DCDC1: variants seen among roughly 807,000 people sequenced by gnomAD.
DCDC1 encodes the protein doublecortin domain containing 1.
In DCDC1, 200 loss-of-function variants were observed where a neutral mutation model predicts 178.3. The ratio of observed to expected loss-of-function variants is 1.12; its 90% confidence interval spans 1.00 to 1.26. The LOEUF (loss-of-function observed/expected upper bound fraction) is 1.26. Ranked by LOEUF, DCDC1 falls within the 50% of genes most tolerant of loss-of-function variation. DCDC1 has a pLI of 0.00. For missense variants in DCDC1, 1,983 were observed against 1,749.2 expected, an observed-to-expected ratio of 1.13 and a Z score of -2.38; for synonymous variants, 690 against 604.8, an observed-to-expected ratio of 1.14 and a Z score of -2.07.
intron 7 of DCDC1, 101 bp from the exon 8 acceptor site, chr11:31,265,701 G>A (rs1281900615): frequency 2.3e-6 from 1 of 433,496 alleles, no homozygotes; most frequent in Non-Finnish European, 3.8e-6. Flanking sequence ...AAATTATATT[G>A]TAAAATAAAA....
chr11:31,193,149 G>C (rs1970310661), intron 9 of DCDC1, among the ~76,000 whole-genome samples: 1 of 151,878 alleles, frequency 6.6e-6, no homozygotes, highest in South Asian at 2.1e-4. Flanking sequence ...TGGCTTTCCT[G>C]GTTCTCTAGT....
At chr11:31,227,238 A>G (rs931877880) in intron 9 of DCDC1, among the ~76,000 whole-genome samples, 1 of 152,186 alleles carries the variant, frequency 6.6e-6, no homozygotes, top group African/African-American at 2.4e-5. Flanking sequence ...CTGTACAAGC[A>G]TGGCTCCAGC....
intron 9 of DCDC1, among the ~76,000 whole-genome samples, chr11:31,212,007 C>T (rs899312807): frequency 1.3e-5 from 2 of 149,978 alleles, no homozygotes; most frequent in East Asian, 2.0e-4. Context: ...GGCATGAATC[C>T]AGGAGGCGGA....
At chr11:30,965,864 T>C (rs1241905727) in intron 20 of DCDC1, among the ~76,000 whole-genome samples, 1 of 123,506 alleles carries the variant, frequency 8.1e-6, no homozygotes, top group Non-Finnish European at 1.7e-5. Flanking sequence ...TGGTTTTTTG[T>C]TCTTGCGATA....
At chr11:30,871,749 G>A (rs950433162) in intron 38 of DCDC1, among the ~76,000 whole-genome samples, 11 of 151,722 alleles carry the variant, frequency 7.3e-5, no homozygotes, top group Non-Finnish European at 1.5e-4. Context: ...CCAATATCTG[G>A]GTCCTAGTTA....
intron 20 of DCDC1, among the ~76,000 whole-genome samples, chr11:31,031,695 A>C (rs1953661840): frequency 6.6e-6 from 1 of 152,136 alleles, no homozygotes; most frequent in Non-Finnish European, 1.5e-5. Flanking sequence ...AAAGCCAGCA[A>C]TATTGTGAAA....
intron 20 of DCDC1, among the ~76,000 whole-genome samples, chr11:30,962,687 T>C (rs978580738): frequency 1.3e-5 from 2 of 152,084 alleles, no homozygotes; most frequent in African/African-American, 2.4e-5. Context: ...GATATACAAA[T>C]GGATACAAAG....
At chr11:31,011,468 T>A (rs1201673670) in intron 20 of DCDC1, among the ~76,000 whole-genome samples, 1 of 152,112 alleles carries the variant, frequency 6.6e-6, no homozygotes. Flanking sequence ...GATATGCAAT[T>A]CACCAAAAAG....
chr11:31,316,136 G>A (rs1242320722), intron 3 of DCDC1, among the ~76,000 whole-genome samples: 1 of 85,790 alleles, frequency 1.2e-5, no homozygotes. Context: ...TGTCTTTATA[G>A]CAGCATGATT....
intron 11 of DCDC1, among the ~76,000 whole-genome samples, chr11:31,118,812 G>A (rs1960361519): frequency 6.6e-6 from 1 of 152,202 alleles, no homozygotes. Flanking sequence ...GGCCTGCACA[G>A]GGAAAGCCTG....
At chr11:31,327,029 T>C (rs528822232) in intron 3 of DCDC1, among the ~76,000 whole-genome samples, 3 of 152,262 alleles carry the variant, frequency 2.0e-5, no homozygotes, top group East Asian at 3.9e-4. Context: ...CCCATTTGAG[T>C]TCATACCATA....
chr11:31,196,967 C>A (rs1412095304), intron 9 of DCDC1, among the ~76,000 whole-genome samples: 2 of 152,104 alleles, frequency 1.3e-5, no homozygotes, highest in Non-Finnish European at 2.9e-5. Context: ...TTAGAAACTC[C>A]TGCTTCAGGA....
At chr11:31,208,355 C>A (rs1471714561) in intron 9 of DCDC1, among the ~76,000 whole-genome samples, 10 of 152,132 alleles carry the variant, frequency 6.6e-5, no homozygotes, top group Admixed American at 6.5e-4. Flanking sequence ...ACACAATATC[C>A]AATCCAATGG....
chr11:30,977,414 C>T (rs1950162320), intron 20 of DCDC1, among the ~76,000 whole-genome samples: 1 of 152,140 alleles, frequency 6.6e-6, no homozygotes, highest in South Asian at 2.1e-4. Flanking sequence ...CACATTCATG[C>T]TTGTAATAAA....
chr11:31,036,242 G>A (rs1354812957), intron 20 of DCDC1, among the ~76,000 whole-genome samples: 4 of 152,154 alleles, frequency 2.6e-5, no homozygotes, highest in Non-Finnish European at 4.4e-5. Context: ...TCAACTGAAA[G>A]CTTATTTATT....
chr11:31,315,306 C>CTTTTTTTTTTTTTT (rs72156406), intron 3 of DCDC1, among the ~76,000 whole-genome samples: 1 of 62,140 alleles, frequency 1.6e-5, no homozygotes, highest in Non-Finnish European at 2.8e-5. Flanking sequence ...TTTGCATACC[C>CTTTTTTTTTTTTTT]TTTTTTTTTT....
At chr11:30,910,519 G>A (rs777847859) in intron 28 of DCDC1, among the ~76,000 whole-genome samples, 8 of 152,126 alleles carry the variant, frequency 5.3e-5, no homozygotes, top group Non-Finnish European at 8.8e-5. Flanking sequence ...TTGCTTCATT[G>A]CTATTAAAAT....
intron 2 of DCDC1, among the ~76,000 whole-genome samples, chr11:31,329,758 C>G (rs888016950): frequency 4.6e-5 from 7 of 152,178 alleles, no homozygotes; most frequent in African/African-American, 1.7e-4. Context: ...CATAGTATTC[C>G]ATGGTGTACA....
chr11:31,113,540 T>A (rs963984648), intron 11 of DCDC1, among the ~76,000 whole-genome samples: 1 of 150,334 alleles, frequency 6.7e-6, no homozygotes, highest in Admixed American at 6.7e-5. Flanking sequence ...ACACGTGGTG[T>A]TTGGTTTTTT....
Sources: gnomAD v4.1 joint callset for allele counts (sites outside exome capture counted in the v4.1 genomes callset) on GRCh38, gnomAD v4.1.1 for gene constraint, MANE v1.5 for transcripts, NCBI Gene and HGNC (gene_info 2026-07-23, HGNC 2026-07-21) for gene names.